The following ARHGAP18 variants were observed in gnomAD, a reference collection of about 807,000 sequenced individuals.
ARHGAP18 encodes rho GTPase-activating protein 18.
ARHGAP18 carries 67 observed loss-of-function variants against 86.2 expected under a neutral mutation model. The ratio of observed to expected loss-of-function variants is 0.78; its 90% confidence interval spans 0.64 to 0.95. The LOEUF (loss-of-function observed/expected upper bound fraction) is 0.95, where lower values mean the gene tolerates loss of function less well. ARHGAP18 is among the 40% of genes least tolerant of loss of function. ARHGAP18 has a pLI of 0.00. For missense variants in ARHGAP18, 691 were observed against 780.4 expected (o/e 0.89, Z 1.37); for synonymous variants, 283 against 280.4 (o/e 1.01, Z -0.09).
chr6:129,625,252 T>C (rs1392920652), intron 5 of ARHGAP18, among the ~76,000 whole-genome samples: 1 of 46,418 alleles, frequency 2.2e-5, no homozygotes, highest in African/African-American at 9.1e-5. Context: ...TTATATGTAA[T>C]ATATATGATA....
intron 1 of ARHGAP18, among the ~76,000 whole-genome samples, chr6:129,646,009 T>G (rs1347656113): frequency 6.6e-6 from 1 of 152,222 alleles, no homozygotes; most frequent in Admixed American, 6.5e-5. Flanking sequence ...TAATGCCTGT[T>G]ATTTATTTTG....
intron 3 of ARHGAP18, among the ~76,000 whole-genome samples, chr6:129,635,476 CCCACAAG>C (rs765000551): frequency 6.6e-6 from 1 of 152,234 alleles, no homozygotes; most frequent in Non-Finnish European, 1.5e-5. Context: ...CTTCCCTCCT[CCCACAAG>C]CCGGCAGAGG....
chr6:129,683,262 C>T (rs896652635), intron 1 of ARHGAP18, among the ~76,000 whole-genome samples: 2 of 151,116 alleles, frequency 1.3e-5, no homozygotes, highest in African/African-American at 2.4e-5. Context: ...TAGTAGAGAC[C>T]GGGTTTCACC....
rs1773733234 is a variant in ARHGAP18, at chr6:129,652,362, T to C, written c.114-10344A>G. 2.6e-5 allele frequency among the ~76,000 whole-genome samples: 4 copies of C among 152,374 alleles called. 1 individual carries two copies. In the South Asian group the frequency reaches 8.3e-4, roughly 32 times the overall value. On this transcript the variant is annotated intron_variant, in intron 1 of 14. Coordinates refer to ENST00000368149, the MANE Select transcript of ARHGAP18 (RefSeq NM_033515.3). ...TTTGTCAACCTTTACCCATTCATTTTTATTGTTCTCGCCAAATCAAATTCT... is the reference window on the plus strand; with the variant it reads ...TTTGTCAACCTTTACCCATTCATTTCTATTGTTCTCGCCAAATCAAATTCT...
intron 9 of ARHGAP18, 89 bp from the exon 10 acceptor site, chr6:129,606,048 T>G (rs778221850): frequency 6.2e-6 from 8 of 1,282,664 alleles, no homozygotes; most frequent in Non-Finnish European, 9.0e-6. Context: ...AAAAAGTTAT[T>G]TGGCATAAAC....
intron 12 of ARHGAP18, chr6:129,596,798 G>A (rs1584031610): frequency 6.6e-6 from 1 of 152,184 alleles, no homozygotes; most frequent in East Asian, 1.9e-4. Context: ...CAGCAAAGTA[G>A]ATGGTCCATG....
At chr6:129,651,666 C>T (rs1373425076) in intron 1 of ARHGAP18, among the ~76,000 whole-genome samples, 1 of 152,108 alleles carries the variant, frequency 6.6e-6, no homozygotes, top group Non-Finnish European at 1.5e-5. Flanking sequence ...ACTCCTCAGG[C>T]CCTGCGGTGG....
At chr6:129,617,424 C>T (rs1347424665) in intron 6 of ARHGAP18, among the ~76,000 whole-genome samples, 1 of 152,086 alleles carries the variant, frequency 6.6e-6, no homozygotes, top group East Asian at 1.9e-4. Context: ...TTCAAAAGAA[C>T]GCCAGTAACC....
At chr6:129,604,695 T>G (rs1477261966) in intron 10 of ARHGAP18, among the ~76,000 whole-genome samples, 1 of 152,176 alleles carries the variant, frequency 6.6e-6, no homozygotes, top group Non-Finnish European at 1.5e-5. Flanking sequence ...TGAGTTGACC[T>G]CTGTCTCAAA....
At chr6:129,599,119 G>T in intron 12 of ARHGAP18, 97 bp downstream of exon 12, 1 of 1,029,202 alleles carries the variant, frequency 9.7e-7, no homozygotes, top group Non-Finnish European at 1.3e-6. Context: ...CCTAATAAGT[G>T]GCAGAAAGTC....
intron 1 of ARHGAP18, among the ~76,000 whole-genome samples, chr6:129,695,004 A>C (rs13208724): frequency 0.22 from 33,868 of 152,176 alleles, 4,126 homozygotes; most frequent in South Asian, 0.34. Context: ...ATTACAAAAA[A>C]GCCTAAAATA....
chr6:129,691,976 C>G (rs770517694), intron 1 of ARHGAP18, among the ~76,000 whole-genome samples: 3 of 152,248 alleles, frequency 2.0e-5, no homozygotes, highest in Non-Finnish European at 2.9e-5. Flanking sequence ...CAGGGGCCAC[C>G]TGGGCTTGGC....
At chr6:129,687,317 A>AATTGG (rs372620016) in intron 1 of ARHGAP18, among the ~76,000 whole-genome samples, 3 of 152,148 alleles carry the variant, frequency 2.0e-5, no homozygotes, top group African/African-American at 7.2e-5. Flanking sequence ...AGAAACTACA[A>AATTGG]ATGTTTGGAA....
At chr6:129,684,686 T>G (rs550153014) in intron 1 of ARHGAP18, among the ~76,000 whole-genome samples, 12 of 152,338 alleles carry the variant, frequency 7.9e-5, no homozygotes, top group African/African-American at 2.9e-4. Flanking sequence ...TAGAAGTCCA[T>G]GGGAATCATC....
chr6:129,701,551 C>T (rs913562416), intron 1 of ARHGAP18, among the ~76,000 whole-genome samples: 1 of 152,188 alleles, frequency 6.6e-6, no homozygotes, highest in Non-Finnish European at 1.5e-5. Context: ...GTGGGCAGAT[C>T]GTGAGGTCAG....
intron 4 of ARHGAP18, among the ~76,000 whole-genome samples, chr6:129,630,708 T>C (rs1226242998): frequency 1.3e-5 from 2 of 152,058 alleles, no homozygotes; most frequent in East Asian, 1.9e-4. Context: ...ATATGCAGAG[T>C]AGACTTCCCA....
intron 1 of ARHGAP18, among the ~76,000 whole-genome samples, chr6:129,692,586 A>G (rs1774546635): frequency 6.6e-6 from 1 of 152,204 alleles, no homozygotes; most frequent in South Asian, 2.1e-4. Flanking sequence ...ATGGGATGGC[A>G]TCCTAGGAAA....
rs1562697566 is a variant in ARHGAP18, at chr6:129,625,486, ATT to A, written c.786+3865_786+3866del. Reference sequence around the variant, plus strand: ...ATATAATATATATTTTATATTATATATTATATATAATATATATTTTATATATC... The same window carrying A: ...ATATAATATATATTTTATATTATATAATATATAATATATATTTTATATATC... On this transcript the variant is annotated intron_variant, in intron 5 of 14. Transcript: ENST00000368149. Among the ~76,000 whole-genome samples, 23 of 61,540 alleles carry A rather than the reference ATT, an allele frequency of 3.7e-4. 2 individuals are homozygous for A. In the South Asian group the frequency reaches 0.012, roughly 33 times the overall value. 40.4% of individuals were successfully genotyped at this position (61,540 alleles called of 152,430 possible). A position where few individuals can be genotyped will look rare whatever the true frequency, so the allele number is the denominator to read the frequency against.
chr6:129,625,963 T>TA (rs1562698751), intron 5 of ARHGAP18, among the ~76,000 whole-genome samples: 1 of 81,956 alleles, frequency 1.2e-5, no homozygotes, highest in African/African-American at 4.4e-5. Flanking sequence ...TATTATATAT[T>TA]TATATATTAT....
Sources: gnomAD v4.1 joint callset for allele counts (sites outside exome capture counted in the v4.1 genomes callset) on GRCh38, gnomAD v4.1.1 for gene constraint, MANE v1.5 for transcripts, NCBI Gene and HGNC (gene_info 2026-07-23, HGNC 2026-07-21) for gene names.